The following DIAPH3 variants were observed in gnomAD, a reference collection of about 807,000 sequenced individuals.
The protein encoded by DIAPH3 is protein diaphanous homolog 3.
A neutral mutation model predicts 144.3 loss-of-function variants in DIAPH3; 117 were observed. The ratio of observed to expected loss-of-function variants is 0.81; its 90% CI spans 0.70 to 0.95. DIAPH3 has a LOEUF of 0.95. Ranked by LOEUF, DIAPH3 falls within the 40% of genes least tolerant of loss-of-function variation. DIAPH3 has a pLI of 0.00. For missense variants in DIAPH3, 1,421 were observed against 1,412.7 expected (o/e 1.01, Z -0.09); for synonymous variants, 519 against 488.9 (o/e 1.06, Z -0.81).
At chr13:60,048,035 C>T (rs1445717122) in intron 4 of DIAPH3, among the ~76,000 whole-genome samples, 1 of 152,194 alleles carries the variant, frequency 6.6e-6, no homozygotes, top group Non-Finnish European at 1.5e-5. Flanking sequence ...CCCAGTCGCA[C>T]GGGGACAATG....
intron 1 of DIAPH3, among the ~76,000 whole-genome samples, chr13:60,135,241 A>G (rs1025347136): frequency 5.1e-5 from 7 of 136,090 alleles, no homozygotes; most frequent in African/African-American, 8.2e-5. Context: ...ATTTTTGGTC[A>G]TGGTTTTCTT....
intron 7 of DIAPH3, chr13:60,013,485 C>G (rs904095444): frequency 6.6e-6 from 1 of 152,230 alleles, no homozygotes; most frequent in Non-Finnish European, 1.5e-5. Flanking sequence ...ACTGACCAAA[C>G]TGAAGTCTCT....
chr13:59,911,199 T>G (rs1283145123), intron 20 of DIAPH3, among the ~76,000 whole-genome samples: 1 of 152,196 alleles, frequency 6.6e-6, no homozygotes, highest in Non-Finnish European at 1.5e-5. Context: ...TATATGGCAT[T>G]GGAAATTCTT....
intron 24 of DIAPH3, among the ~76,000 whole-genome samples, chr13:59,822,795 T>A (rs538538102): frequency 1.3e-5 from 2 of 152,124 alleles, no homozygotes; most frequent in African/African-American, 4.8e-5. Flanking sequence ...TAAGTTAACA[T>A]GTATCCTCTC....
At chr13:59,795,455 C>CTTT (rs1233674128) in intron 25 of DIAPH3, among the ~76,000 whole-genome samples, 8,538 of 136,730 alleles carry the variant, frequency 0.062, 394 homozygotes, top group East Asian at 0.14. Flanking sequence ...TTCTCTCTCT[C>CTTT]TTTTTTTTTT....
chr13:59,924,670 A>ATG, intron 18 of DIAPH3, 105 bp downstream of exon 18: 1 of 1,475,706 alleles, frequency 6.8e-7, no homozygotes, highest in Non-Finnish European at 9.1e-7. Flanking sequence ...GCATATAATA[A>ATG]CAAAATGAAA....
At chr13:59,730,552 T>A (rs2035847623) in intron 27 of DIAPH3, among the ~76,000 whole-genome samples, 1 of 152,110 alleles carries the variant, frequency 6.6e-6, no homozygotes. Context: ...ATTTAGCTAT[T>A]CCAAGGAAAT....
intron 2 of DIAPH3, among the ~76,000 whole-genome samples, chr13:60,127,253 T>C (rs764031107): frequency 6.6e-6 from 1 of 151,846 alleles, no homozygotes; most frequent in Non-Finnish European, 1.5e-5. Context: ...ATTTAAAATA[T>C]AGGTAAAAAT....
chr13:60,159,067 C>T (rs1952166055), intron 1 of DIAPH3, among the ~76,000 whole-genome samples: 1 of 152,022 alleles, frequency 6.6e-6, no homozygotes, highest in Admixed American at 6.6e-5. Flanking sequence ...AAGTAATTGG[C>T]AAACATGCAC....
chr13:60,132,581 A>G (rs1389032887), intron 2 of DIAPH3, among the ~76,000 whole-genome samples: 7 of 152,104 alleles, frequency 4.6e-5, no homozygotes, highest in Non-Finnish European at 1.0e-4. Context: ...TATATGCATA[A>G]TATTTTAGTC....
At chr13:60,105,099 C>CAAAAAAAAAAAAAAAAAAAAAAAAAA (rs60853102) in intron 3 of DIAPH3, among the ~76,000 whole-genome samples, 9 of 41,840 alleles carry the variant, frequency 2.2e-4, no homozygotes, top group South Asian at 8.6e-4. Flanking sequence ...GACACGATCT[C>CAAAAAAAAAAAAAAAAAAAAAAAAAA]AAAAAAAAAA....
At chr13:59,779,204 A>G (rs2038595279) in intron 25 of DIAPH3, among the ~76,000 whole-genome samples, 1 of 152,248 alleles carries the variant, frequency 6.6e-6, no homozygotes, top group South Asian at 2.1e-4. Context: ...GGAAGAATAC[A>G]ATAATGAAGT....
At chr13:60,145,093 C>G (rs902192900) in intron 1 of DIAPH3, among the ~76,000 whole-genome samples, 1 of 152,156 alleles carries the variant, frequency 6.6e-6, no homozygotes, top group East Asian at 1.9e-4. Flanking sequence ...TCGCTATTAT[C>G]CCCATCTTAG....
chr13:59,975,756 TCA>T (rs2050642211), intron 14 of DIAPH3, among the ~76,000 whole-genome samples: 2 of 152,074 alleles, frequency 1.3e-5, no homozygotes, highest in South Asian at 4.1e-4. Context: ...ACTGATTCTC[TCA>T]GTCTCAACCT....
chr13:59,891,497 C>G (rs377364030), intron 20 of DIAPH3, among the ~76,000 whole-genome samples: 3 of 150,604 alleles, frequency 2.0e-5, no homozygotes, highest in South Asian at 4.2e-4. Flanking sequence ...AATGCCCCCA[C>G]TTTTTAGCAG....
At chr13:59,876,240 C>T (rs1283885696) in intron 21 of DIAPH3, among the ~76,000 whole-genome samples, 1 of 152,108 alleles carries the variant, frequency 6.6e-6, no homozygotes, top group African/African-American at 2.4e-5. Context: ...CTTCTGATAA[C>T]AAATATGATG....
chr13:59,876,274 G>A (rs1218857500), intron 21 of DIAPH3, among the ~76,000 whole-genome samples: 1 of 152,070 alleles, frequency 6.6e-6, no homozygotes, highest in Admixed American at 6.6e-5. Context: ...TTCAATATAT[G>A]CTTTCAACTT....
chr13:59,742,003 G>T (rs935727501), intron 27 of DIAPH3, among the ~76,000 whole-genome samples: 2 of 152,144 alleles, frequency 1.3e-5, no homozygotes, highest in Admixed American at 6.5e-5. Context: ...AGTTCCACAC[G>T]GCTGGGGAGG....
At chr13:60,106,429 T>C (rs2138023313) in intron 3 of DIAPH3, among the ~76,000 whole-genome samples, 1 of 152,306 alleles carries the variant, frequency 6.6e-6, no homozygotes, top group East Asian at 1.9e-4. Flanking sequence ...TCTAATAATT[T>C]TAAATGAAAA....
Sources: gnomAD v4.1 joint callset for allele counts (sites outside exome capture counted in the v4.1 genomes callset) on GRCh38, gnomAD v4.1.1 for gene constraint, MANE v1.5 for transcripts, NCBI Gene and HGNC (gene_info 2026-07-23, HGNC 2026-07-21) for gene names.